Variants in NHSL1 observed in about 807,000 individuals in gnomAD.
NHSL1 encodes NHS like 1, also known as NHS-like protein 1.
Under a neutral mutation model 95.0 loss-of-function variants are expected in NHSL1, and 48 were observed. The observed-to-expected ratio is 0.51, with a 90% CI of 0.40 to 0.64. The LOEUF is 0.64. Among genes scored for constraint, NHSL1 ranks in the 30% least tolerant of loss-of-function variants. The pLI is 0.00. For synonymous variants in NHSL1, 783 were observed against 833.9 expected, an observed-to-expected ratio of 0.94 and a Z score of 1.05; for missense variants, 1,971 against 2,077.7, an observed-to-expected ratio of 0.95 and a Z score of 1.00.
chr6:138,686,788 A>T (rs181843436), intron 1 of NHSL1, among the ~76,000 whole-genome samples: 1 of 152,310 alleles, frequency 6.6e-6, no homozygotes, highest in Non-Finnish European at 1.5e-5. Flanking sequence ...AGTGCTTCTC[A>T]ATTTGCCTGG....
chr6:138,517,384 T>C (rs940472415), intron 1 of NHSL1, among the ~76,000 whole-genome samples: 4 of 152,224 alleles, frequency 2.6e-5, no homozygotes, highest in Middle Eastern at 3.2e-3. Flanking sequence ...AAAGTAACAA[T>C]GACATAAAAA....
Position 138,431,934 on chromosome 6 carries a change from C to T in NHSL1, c.2411G>A (p.Ser804Asn), listed in dbSNP as rs925757443. ...TGGCCCGTTCCCAGTGGGCACCCCA[C>T]TGCTGGTTGAACAGCCCCCTGCCGG... ...GNPAGGCSTS[S>N]GVPTGNGPVR... is the part of the protein sequence containing the mutation. The change falls in exon 6 of 8, where the codon AGT (serine) becomes AAT (asparagine). Residue 804 changes from serine (S) to asparagine (N), a missense_variant. By Grantham distance (46) the Ser-to-Asn change is conservative (BLOSUM62 1). Around this residue, in one of 3 missense-constraint regions of NHSL1, gnomAD observed 1,602 missense variants for 1,654.5 expected, o/e 0.97. Transcript: ENST00000343505. This position sits in a 1 kb window ranked among gnomAD's most constrained non-coding sequence, Gnocchi z 4.0. The T allele has an allele frequency of 2.1e-5, 32 of 1,551,638 alleles. No homozygotes were observed. The highest frequency in any genetic ancestry group is 3.3e-4 in the Middle Eastern group (2 of 6,014).
chr6:138,472,108 G>C (rs903437850), intron 3 of NHSL1, among the ~76,000 whole-genome samples: 1 of 151,326 alleles, frequency 6.6e-6, no homozygotes, highest in African/African-American at 2.4e-5. Flanking sequence ...CTTGAACCTG[G>C]GAGATGGAGT....
Position 138,424,257 on chromosome 6 carries a change from C to A in NHSL1, c.4645G>T (p.Gly1549Ter). 1 of 1,502,636 alleles carries A rather than the reference C, an allele frequency of 6.7e-7. No homozygotes were observed. The highest frequency in any genetic ancestry group is 2.2e-5 in the Admixed American group (1 of 44,522). 93.1% of individuals were successfully genotyped at this position (1,502,636 alleles called of 1,614,324 possible). A position where few individuals can be genotyped will look rare whatever the true frequency, so the allele number is the denominator to read the frequency against. ...IARGALGAAEGCSLDGLAREE... is the reference protein window; with the variant it reads ...IARGALGAAE ...CTCGCCAGTCCGTCCAGGGAACATC[C>A]CTCCGCAGCGCCCAGAGCCCCGCGG... The change falls in exon 8 of 8, where the codon GGA (glycine) becomes TGA (stop). Residue 1549 changes from glycine (G) to a stop codon, truncating the protein, a stop_gained. Transcript: ENST00000343505. LOFTEE classifies it low-confidence loss of function (END_TRUNC). The surrounding 1 kb of genome is among the most constrained non-coding windows in gnomAD (Gnocchi z 5.9).
chr6:138,586,560 C>A (rs1784138673), intron 1 of NHSL1, among the ~76,000 whole-genome samples: 2 of 152,172 alleles, frequency 1.3e-5, no homozygotes, highest in African/African-American at 4.8e-5. Flanking sequence ...TTCCAGAAGA[C>A]ACACCCTTTA....
intron 1 of NHSL1, among the ~76,000 whole-genome samples, chr6:138,590,945 G>C (rs373699627): frequency 6.6e-6 from 1 of 152,194 alleles, no homozygotes; most frequent in African/African-American, 2.4e-5. Flanking sequence ...GAGGCAAATA[G>C]CACAAATATT....
At chr6:138,566,195 C>T (rs866962088) in intron 1 of NHSL1, among the ~76,000 whole-genome samples, 8 of 151,894 alleles carry the variant, frequency 5.3e-5, no homozygotes, top group African/African-American at 1.9e-4. Flanking sequence ...GTCAGGAGTT[C>T]AAGACCAGCC....
chr6:138,526,887 A>G (rs2128313085), intron 1 of NHSL1, among the ~76,000 whole-genome samples: 1 of 152,338 alleles, frequency 6.6e-6, no homozygotes, highest in African/African-American at 2.4e-5. Flanking sequence ...ATCAGCTGAT[A>G]CATCGTCAGA....
intron 1 of NHSL1, among the ~76,000 whole-genome samples, chr6:138,646,661 G>T (rs1477501894): frequency 2.0e-5 from 3 of 152,144 alleles, no homozygotes; most frequent in Non-Finnish European, 2.9e-5. Context: ...GAGGGTAAGG[G>T]GTGAGGGGTA....
intron 3 of NHSL1, among the ~76,000 whole-genome samples, chr6:138,454,851 A>G (rs1167363658): frequency 6.6e-6 from 1 of 152,276 alleles, no homozygotes; most frequent in Non-Finnish European, 1.5e-5. Context: ...ATATTCACAT[A>G]CAGCACTGAG....
At chr6:138,593,750 T>C (rs1034125319) in intron 1 of NHSL1, among the ~76,000 whole-genome samples, 14 of 152,232 alleles carry the variant, frequency 9.2e-5, no homozygotes, top group Non-Finnish European at 1.8e-4. Context: ...TCAAAGATTA[T>C]AGTATTTAGC....
intron 5 of NHSL1, among the ~76,000 whole-genome samples, chr6:138,437,335 T>TATATATACAC (rs1422485131): frequency 1.7e-5 from 1 of 57,630 alleles, no homozygotes; most frequent in Admixed American, 1.9e-4. Context: ...CACACATATA[T>TATATATACAC]ATATATACAC....
At chr6:138,665,102 G>C (rs1785277879) in intron 1 of NHSL1, among the ~76,000 whole-genome samples, 1 of 152,156 alleles carries the variant, frequency 6.6e-6, no homozygotes, top group Admixed American at 6.5e-5. Flanking sequence ...ATAAAATTAG[G>C]AGTTATTTTG....
chr6:138,686,955 A>G (rs1785592041), intron 1 of NHSL1, among the ~76,000 whole-genome samples: 1 of 152,166 alleles, frequency 6.6e-6, no homozygotes. Flanking sequence ...TGATGGTGCA[A>G]TCTGACCACT....
At chr6:138,544,584 T>C (rs1300048963) in intron 1 of NHSL1, among the ~76,000 whole-genome samples, 1 of 152,126 alleles carries the variant, frequency 6.6e-6, no homozygotes, top group Non-Finnish European at 1.5e-5. Context: ...CTATACCTCA[T>C]GAACAGACTT....
At chr6:138,622,295 G>A (rs1011622532) in intron 1 of NHSL1, among the ~76,000 whole-genome samples, 3 of 152,034 alleles carry the variant, frequency 2.0e-5, no homozygotes, top group African/African-American at 7.3e-5. Flanking sequence ...GAGGTCAGGA[G>A]ATCGAGACTA....
chr6:138,680,342 G>T (rs949039187), intron 1 of NHSL1, among the ~76,000 whole-genome samples: 1 of 152,146 alleles, frequency 6.6e-6, no homozygotes, highest in Non-Finnish European at 1.5e-5. Context: ...GTACACCGCA[G>T]TCAGGTTGTT....
At chr6:138,569,645 C>T (rs564658099) in intron 1 of NHSL1, among the ~76,000 whole-genome samples, 1 of 152,294 alleles carries the variant, frequency 6.6e-6, no homozygotes, top group South Asian at 2.1e-4. Flanking sequence ...TTTTGATCTG[C>T]TCACATAAAC....
Position 138,680,773 on chromosome 6 carries a change from C to T in NHSL1, c.96+11703G>A, listed in dbSNP as rs535902876. The stretch of plus-strand genomic sequence containing the variant: ...CTGGGACCACAGGCGCGAGCCACCA[C>T]GCCTGGTTAATTTTTGTATTTAATG... On this transcript the variant is annotated intron_variant, in intron 1 of 3. Transcript: ENST00000491526. 5.9e-5 allele frequency among the ~76,000 whole-genome samples: 9 copies of T among 152,234 alleles called. No homozygotes were observed. In the South Asian group the frequency reaches 6.2e-4, roughly 11 times the overall value.
Sources: gnomAD v4.1 joint callset for allele counts (sites outside exome capture counted in the v4.1 genomes callset) on GRCh38, gnomAD v4.1.1 for gene constraint, gnomAD v4.1.1 regional missense constraint, Gnocchi (gnomAD v3.1) non-coding constraint, MANE v1.5 for transcripts, NCBI Gene and HGNC (gene_info 2026-07-23, HGNC 2026-07-21) for gene names.